TTC28: variants seen among roughly 807,000 people sequenced by gnomAD.
TTC28 encodes tetratricopeptide repeat protein 28.
In TTC28, 61 loss-of-function variants were observed where a neutral mutation model predicts 198.0. That is an observed-to-expected ratio of 0.31 (90% CI 0.25 to 0.38). The LOEUF is 0.38. Among genes scored for constraint, TTC28 ranks in the 10% least tolerant of loss-of-function variants. The probability of loss-of-function intolerance (pLI) is 1.00; values close to 1 mark genes in which losing one functional copy is unlikely to be tolerated. For synonymous variants in TTC28, 1,171 were observed against 1,297.8 expected (o/e 0.90, Z 2.10); for missense variants, 2,678 against 3,164.0 (o/e 0.85, Z 3.69).
intron 2 of TTC28, among the ~76,000 whole-genome samples, chr22:28,528,335 T>C (rs2049051241): frequency 6.6e-6 from 1 of 152,160 alleles, no homozygotes. Context: ...GTTGCAAAGT[T>C]CTTATCTTTT....
intron 2 of TTC28, among the ~76,000 whole-genome samples, chr22:28,555,335 A>C (rs2049770152): frequency 6.6e-6 from 1 of 152,236 alleles, no homozygotes; most frequent in African/African-American, 2.4e-5. Flanking sequence ...CAGCAATCCC[A>C]TTACTAGGTA....
At chr22:28,200,500 A>C (rs1047659014) in intron 5 of TTC28, among the ~76,000 whole-genome samples, 2 of 152,128 alleles carry the variant, frequency 1.3e-5, no homozygotes, top group Non-Finnish European at 2.9e-5. Context: ...GACCAAATGG[A>C]GTGAGAGATA....
intron 2 of TTC28, among the ~76,000 whole-genome samples, chr22:28,334,032 T>C (rs1341989084): frequency 8.5e-6 from 1 of 117,576 alleles, no homozygotes; most frequent in African/African-American, 3.3e-5. Context: ...CCCCAGTGTG[T>C]GATGTTCCCC....
chr22:28,587,434 T>G (rs2146078578), intron 2 of TTC28, among the ~76,000 whole-genome samples: 1 of 152,282 alleles, frequency 6.6e-6, no homozygotes, highest in Admixed American at 6.5e-5. Flanking sequence ...CAATTTAAAT[T>G]TTTATACAGG....
At chr22:28,025,844 T>C (rs993561138) in intron 13 of TTC28, among the ~76,000 whole-genome samples, 1 of 152,184 alleles carries the variant, frequency 6.6e-6, no homozygotes, top group Admixed American at 6.5e-5. Flanking sequence ...TAACCCAGCC[T>C]GGGTGACAGA....
chr22:28,246,792 G>A (rs1201484215), intron 5 of TTC28, among the ~76,000 whole-genome samples: 1 of 151,932 alleles, frequency 6.6e-6, no homozygotes, highest in Non-Finnish European at 1.5e-5. Context: ...TGTGCTATGG[G>A]GCCTCTTGAA....
intron 6 of TTC28, among the ~76,000 whole-genome samples, chr22:28,134,336 G>C (rs1248044434): frequency 1.3e-5 from 2 of 152,230 alleles, no homozygotes; most frequent in African/African-American, 4.8e-5. Flanking sequence ...CTCCTCGCCA[G>C]CAATGGAACA....
At chr22:28,546,296 A>T (rs7289516) in intron 2 of TTC28, among the ~76,000 whole-genome samples, 2 of 151,890 alleles carry the variant, frequency 1.3e-5, no homozygotes, top group African/African-American at 4.8e-5. Flanking sequence ...AAATACAAAA[A>T]TTAGCCAGGT....
chr22:28,216,150 C>T (rs1927383967), intron 5 of TTC28, among the ~76,000 whole-genome samples: 1 of 152,160 alleles, frequency 6.6e-6, no homozygotes, highest in Non-Finnish European at 1.5e-5. Context: ...CAGAGAGGTA[C>T]TCAACATTTG....
At chr22:28,392,710 G>C (rs1490910927) in intron 2 of TTC28, among the ~76,000 whole-genome samples, 1 of 152,060 alleles carries the variant, frequency 6.6e-6, no homozygotes, top group Admixed American at 6.5e-5. Context: ...CTCACGCATG[G>C]TGCGCGCACC....
intron 2 of TTC28, among the ~76,000 whole-genome samples, chr22:28,342,126 T>G (rs115221725): frequency 0.016 from 2,422 of 152,348 alleles, 86 homozygotes; most frequent in African/African-American, 0.056. Flanking sequence ...TTTTTTGTGT[T>G]AAATTTCCTA....
At chr22:28,306,698 G>A (rs1248266424) in intron 2 of TTC28, 55 bp from the exon 3 acceptor site, 11 of 1,526,726 alleles carry the variant, frequency 7.2e-6, no homozygotes, top group Middle Eastern at 4.4e-4. Flanking sequence ...CAAGGCTGAT[G>A]GTGATTCTTT....
rs893734998 is a variant in TTC28 at position 28,632,650 on chromosome 22, C to A, written c.103-2820G>T. On this transcript the variant is annotated intron_variant, in intron 1 of 22. Transcript: ENST00000397906. ...ATGGTTCTGCTTAAGGTCAATAATA[C>A]CATAAGTTATAGAAACAAATTCTGT... is the stretch of plus-strand genomic sequence containing the variant. Among the ~76,000 whole-genome samples the A allele has an allele frequency of 5.3e-5, 8 of 151,312 alleles. 1 individual carries two copies. Among genetic ancestry groups the A allele is most frequent in the Non-Finnish European group, 1.0e-4 (7 of 67,938 alleles).
Position 27,998,977 on chromosome 22 carries a change from C to G in TTC28, c.4682G>C (p.Ser1561Thr). Residue 1561 changes from serine to threonine, a missense_variant, in exon 16 of 23, where the codon AGC (serine) becomes ACC (threonine). Physicochemically the swap from Ser to Thr is moderately conservative, Grantham distance 58 (BLOSUM62 1). Coordinates refer to ENST00000397906, the MANE Select transcript of TTC28 (RefSeq NM_001145418.2). ...GCTGCTGGCAGGGTTGCCGTCCATG[C>G]TGGGCGTGAGGACCAAGGCCGACAG... ...WKLSALVLTP[S>T]MDGNPASSKS... is the part of the protein sequence containing the mutation. The G allele has an allele frequency of 6.4e-7, 1 of 1,550,560 alleles. No individual in the cohort carries two copies. Among genetic ancestry groups the G allele is most frequent in the Non-Finnish European group, 8.7e-7 (1 of 1,146,954 alleles).
At chr22:28,086,207 T>C (rs1489341038) in intron 12 of TTC28, among the ~76,000 whole-genome samples, 1 of 152,098 alleles carries the variant, frequency 6.6e-6, no homozygotes, top group Admixed American at 6.6e-5. Flanking sequence ...CAACAGAATA[T>C]ACATTTTTTT....
chr22:28,391,670 C>A (rs1457073691), intron 2 of TTC28, among the ~76,000 whole-genome samples: 3 of 152,184 alleles, frequency 2.0e-5, no homozygotes, highest in Non-Finnish European at 4.4e-5. Context: ...ACATAGTTCT[C>A]GAGCCTTGGT....
At position 28,174,108 on chromosome 22, in the gene TTC28, T is replaced by A. The variant is rs114197770; in HGVS notation, c.934-10509A>T. ...CTACCCACAACCCAATAGGAAGAAA[T>A]ACATAGAAGAATAAGGATAGACTCT... is the stretch of plus-strand genomic sequence containing the variant. On this transcript the variant is annotated intron_variant, in intron 5 of 22. Coordinates refer to ENST00000397906, the MANE Select transcript of TTC28 (RefSeq NM_001145418.2). 7.0e-3 allele frequency among the ~76,000 whole-genome samples: 1,062 copies of A among 152,110 alleles called. 11 individuals are homozygous for A. Among genetic ancestry groups the A allele is most frequent in the African/African-American group, 0.025 (1,020 of 41,490 alleles).
chr22:28,043,853 A>G (rs1311713714), intron 12 of TTC28, among the ~76,000 whole-genome samples: 1 of 152,088 alleles, frequency 6.6e-6, no homozygotes, highest in African/African-American at 2.4e-5. Flanking sequence ...CACGTTGGAG[A>G]GTCAGTGGGT....
intron 2 of TTC28, among the ~76,000 whole-genome samples, chr22:28,594,939 C>T (rs967742585): frequency 3.9e-5 from 6 of 152,144 alleles, no homozygotes; most frequent in Non-Finnish European, 7.4e-5. Context: ...TAGTACATTA[C>T]TACTCTTCTG....
Sources: gnomAD v4.1 joint callset for allele counts (sites outside exome capture counted in the v4.1 genomes callset) on GRCh38, gnomAD v4.1.1 for gene constraint, MANE v1.5 for transcripts, NCBI Gene and HGNC (gene_info 2026-07-23, HGNC 2026-07-21) for gene names.